The following HYDIN variants were observed in gnomAD, a reference collection of about 807,000 sequenced individuals.
HYDIN encodes the protein axonemal central pair apparatus protein HYDIN.
HYDIN carries 132 observed loss-of-function variants against 403.9 expected under a neutral mutation model. The ratio of observed to expected loss-of-function variants is 0.33; its 90% CI spans 0.28 to 0.38. HYDIN has a LOEUF of 0.38. HYDIN is among the 10% of genes least tolerant of loss of function. HYDIN has a pLI of 1.00. For missense variants in HYDIN, 2,827 were observed against 5,009.5 expected, an observed-to-expected ratio of 0.56 and a Z score of 13.15; for synonymous variants, 1,202 against 1,891.7, an observed-to-expected ratio of 0.64 and a Z score of 9.46.
intron 18 of HYDIN, among the ~76,000 whole-genome samples, chr16:71,042,507 T>C (rs1258393923): frequency 6.6e-6 from 1 of 152,198 alleles, no homozygotes; most frequent in Non-Finnish European, 1.5e-5. Context: ...CCTCCCAATA[T>C]AGTTAACATT....
intron 2 of HYDIN, 96 bp from the exon 3 acceptor site, chr16:71,185,086 C>T: frequency 1.3e-6 from 1 of 780,956 alleles, no homozygotes. Flanking sequence ...GTGTTTGCAG[C>T]TTTCAGGATA....
intron 65 of HYDIN, among the ~76,000 whole-genome samples, chr16:70,871,307 G>T (rs1228896924): frequency 3.9e-5 from 6 of 152,084 alleles, no homozygotes; most frequent in Non-Finnish European, 8.8e-5. Flanking sequence ...CATCCCCCTC[G>T]AGTACTGTGC....
intron 80 of HYDIN, among the ~76,000 whole-genome samples, chr16:70,831,151 T>C (rs1477865356): frequency 1.3e-5 from 2 of 150,162 alleles, no homozygotes; most frequent in African/African-American, 4.9e-5. Flanking sequence ...CAACAAGAAA[T>C]GATGGTATGT....
At chr16:70,862,386 T>C in intron 68 of HYDIN, 131 bp from the exon 69 acceptor site, 3 of 566,374 alleles carry the variant, frequency 5.3e-6, no homozygotes, top group Non-Finnish European at 3.1e-6. Flanking sequence ...GTAGCAGCTG[T>C]ACTTAACCTT....
chr16:70,810,395 T>C (rs1413290523), intron 84 of HYDIN, among the ~76,000 whole-genome samples: 4 of 152,132 alleles, frequency 2.6e-5, no homozygotes, highest in Non-Finnish European at 4.4e-5. Flanking sequence ...TTATTACCCA[T>C]GGCGAAACAA....
chr16:71,053,280 T>C lies in HYDIN; in HGVS notation c.2529+7224A>G, dbSNP rs60629606. ...AGTAATTTGGCAACATCTAATGAGG[T>C]TGAAAATGTACCTATCTGAAGAGTC... On this transcript the variant is annotated intron_variant, in intron 18 of 85. Transcript: ENST00000393567. Among the ~76,000 whole-genome samples the C allele has an allele frequency of 7.5e-3, 1,138 of 152,158 alleles. 1 individual carries two copies. Among genetic ancestry groups the C allele is most frequent in the African/African-American group, 0.026 (1,085 of 41,492 alleles).
intron 9 of HYDIN, among the ~76,000 whole-genome samples, chr16:71,127,102 A>T (rs1321651954): frequency 2.0e-4 from 30 of 152,242 alleles, no homozygotes; most frequent in Admixed American, 2.0e-3. Flanking sequence ...TAAAGAATTC[A>T]TTATAACTGA....
intron 60 of HYDIN, 91 bp downstream of exon 60, chr16:70,882,569 G>A (rs2040875763): frequency 4.7e-6 from 3 of 639,122 alleles, no homozygotes; most frequent in South Asian, 3.7e-5. Flanking sequence ...TTCCACTCAC[G>A]CATACAGGCT....
chr16:70,904,478 C>CTTTTTTT lies in HYDIN; in HGVS notation c.8517-421_8517-415dup, dbSNP rs76148650. 9.9e-4 allele frequency among the ~76,000 whole-genome samples: 25 copies of CTTTTTTT among 25,218 alleles called. 6 individuals carry two copies. The highest frequency in any genetic ancestry group is 6.5e-3 in the South Asian group (3 of 462). The allele number at this position is 25,218 out of a possible 152,430, so 16.5% of individuals were successfully genotyped here. A position where few individuals can be genotyped will look rare whatever the true frequency, so the allele number is the denominator to read the frequency against. The stretch of plus-strand genomic sequence containing the variant: ...CTGAGAGAGATTATCACTTGAGTAA[C>CTTTTTTT]TTTTTTTTTTTTTTTTTTTTTTTTT... On this transcript the variant is annotated intron_variant, in intron 50 of 85. Transcript: ENST00000393567.
intron 75 of HYDIN, among the ~76,000 whole-genome samples, chr16:70,842,052 T>C (rs888480394): frequency 2.7e-5 from 4 of 150,812 alleles, no homozygotes; most frequent in African/African-American, 1.0e-4. Flanking sequence ...TTGAAGAACA[T>C]ACTTTGCACG....
chr16:71,179,075 A>G (rs375993593), intron 3 of HYDIN, 28 bp from the exon 4 acceptor site: 18 of 1,587,814 alleles, frequency 1.1e-5, no homozygotes, highest in Non-Finnish European at 1.5e-5. Flanking sequence ...AATTATTGTT[A>G]TAGTCACACA....
rs7198721 is a variant in HYDIN at position 70,863,159 on chromosome 16, C to T, written c.11495G>A (p.Arg3832His). 44 of 1,613,678 alleles carry T rather than the reference C, an allele frequency of 2.7e-5. No individual in the cohort carries two copies. In the South Asian group the frequency reaches 3.0e-4, roughly 11 times the overall value. Residue 3832 changes from arginine (R) to histidine (H), a missense_variant, in exon 68 of 86, where the codon CGT (arginine) becomes CAT (histidine). Transcript: ENST00000393567. Reference protein sequence around the residue: ...VFEFDVINSGRVQLEFSWVSE... With the variant: ...VFEFDVINSGHVQLEFSWVSE... ...GACCCAGCTGAATTCCAGCTGGACA[C>T]GTCCTGAATTAATCACATCGAACCT...
At chr16:70,893,025 G>C (rs988119462) in intron 55 of HYDIN, among the ~76,000 whole-genome samples, 1 of 152,180 alleles carries the variant, frequency 6.6e-6, no homozygotes, top group African/African-American at 2.4e-5. Context: ...TCATGAGACC[G>C]GCAGAGGGAC....
At chr16:70,851,075 A>G (rs1007292340) in intron 73 of HYDIN, among the ~76,000 whole-genome samples, 2 of 152,008 alleles carry the variant, frequency 1.3e-5, no homozygotes, top group African/African-American at 4.8e-5. Flanking sequence ...CTCAAACTAT[A>G]CGAAAACTAG....
rs1019162500 is a variant in HYDIN at position 70,805,758 on chromosome 16, T to C, written c.*1822A>G. Among the ~76,000 whole-genome samples the C allele has an allele frequency of 6.6e-6, 1 of 152,224 alleles. No homozygotes were observed. The highest frequency in any genetic ancestry group is 1.5e-5 in the Non-Finnish European group (1 of 68,038). The stretch of plus-strand genomic sequence containing the variant: ...TGGTTGTCTTTAGACCTATCAGTAG[T>C]GTCTTTAGAGGTTATAGAAATAAAT... On this transcript the variant is annotated 3_prime_UTR_variant, in exon 86 of 86. Coordinates refer to ENST00000393567, the MANE Select transcript of HYDIN (RefSeq NM_001270974.2).
chr16:70,812,717 T>A (rs1464602439), intron 84 of HYDIN, among the ~76,000 whole-genome samples: 3 of 152,226 alleles, frequency 2.0e-5, no homozygotes, highest in African/African-American at 7.2e-5. Context: ...TAAAAAGGAC[T>A]TAAATAAGTG....
At chr16:70,919,317 T>A (rs10645658) in intron 46 of HYDIN, among the ~76,000 whole-genome samples, 136 of 151,794 alleles carry the variant, frequency 9.0e-4, no homozygotes, top group South Asian at 1.5e-3. Flanking sequence ...GTCCTTTTTT[T>A]AAAAAAAAAC....
At chr16:70,818,935 GA>G (rs2143458553) in intron 83 of HYDIN, among the ~76,000 whole-genome samples, 1 of 152,152 alleles carries the variant, frequency 6.6e-6, no homozygotes, top group South Asian at 2.1e-4. Context: ...TTTCTTTCGA[GA>G]AGGAGTCTCA....
rs767375464 is a variant in HYDIN at position 70,904,518 on chromosome 16, T to TTTTTTTTTTTTTTTTTTTTTTTTTTG, written c.8517-455_8517-454insCAAAAAAAAAAAAAAAAAAAAAAAAA. Among the ~76,000 whole-genome samples the TTTTTTTTTTTTTTTTTTTTTTTTTTG allele has an allele frequency of 1.5e-3, 54 of 37,014 alleles. 20 individuals are homozygous for TTTTTTTTTTTTTTTTTTTTTTTTTTG. Among genetic ancestry groups the TTTTTTTTTTTTTTTTTTTTTTTTTTG allele is most frequent in the Non-Finnish European group, 2.1e-3 (41 of 19,126 alleles). The allele number at this position is 37,014 out of a possible 152,430, so 24.3% of individuals were successfully genotyped here. On this transcript the variant is annotated intron_variant, in intron 50 of 85. Transcript: ENST00000393567. ...TTTTTTTTTTTTTTTTTTTTTTTTT[T>TTTTTTTTTTTTTTTTTTTTTTTTTTG]TGAGGGAGTTTCGTTCTTGTTGCCC... is the stretch of plus-strand genomic sequence containing the variant.
Sources: allele counts gnomAD v4.1 joint callset (sites outside exome capture counted in the v4.1 genomes callset), GRCh38; gene constraint gnomAD v4.1.1; transcripts MANE v1.5; gene names NCBI Gene and HGNC (gene_info 2026-07-23, HGNC 2026-07-21).